The following ARHGEF12 variants were observed in gnomAD, a reference collection of about 807,000 sequenced individuals.
ARHGEF12 encodes Rho guanine nucleotide exchange factor 12.
ARHGEF12 carries 66 observed loss-of-function variants against 211.2 expected under a neutral mutation model. The observed-to-expected ratio is 0.31, with a 90% CI of 0.26 to 0.38. The LOEUF is 0.38. Ranked by LOEUF, ARHGEF12 falls within the 10% of genes least tolerant of loss-of-function variation. ARHGEF12 has a pLI of 1.00. For missense variants in ARHGEF12, 1,429 were observed against 1,869.5 expected (o/e 0.76, Z 4.34); for synonymous variants, 592 against 638.4 (o/e 0.93, Z 1.09).
At chr11:120,372,699 G>A (rs1943622116) in intron 1 of ARHGEF12, among the ~76,000 whole-genome samples, 1 of 152,034 alleles carries the variant, frequency 6.6e-6, no homozygotes, top group Admixed American at 6.6e-5. Flanking sequence ...AAAGCAGACA[G>A]GATTTATGAT....
rs896101664 is a variant in ARHGEF12, at chr11:120,336,818, C to T, written c.-426C>T. The T allele has an allele frequency of 3.0e-6, 1 of 333,540 alleles. No homozygotes were observed. Among genetic ancestry groups the T allele is most frequent in the Non-Finnish European group, 5.4e-6 (1 of 184,732 alleles). 20.7% of individuals were successfully genotyped at this position (333,540 alleles called of 1,614,324 possible). ...GATAGAGAGCCGGGAGGGAGGGCCCCGGCCCTTGCCGCGGCGGGGAGTTCG... is the reference window on the plus strand; with the variant it reads ...GATAGAGAGCCGGGAGGGAGGGCCCTGGCCCTTGCCGCGGCGGGGAGTTCG... On this transcript the variant is annotated 5_prime_UTR_variant, in exon 1 of 41. Coordinates refer to ENST00000397843, the MANE Select transcript of ARHGEF12 (RefSeq NM_015313.3).
At position 120,477,229 on chromosome 11, in the gene ARHGEF12, C is replaced by G. The variant is rs1055835938; in HGVS notation, c.3376C>G (p.Leu1126Val). ...TCCAACTTTCTGAAGCTGGCAGGAC[C>G]TAATCTGTCGGATGGCTGCATCAGT... ...TVSEKTVWQD[L>V]ICRMAASVKE... Residue 1126 changes from leucine (L) to valine (V), a missense_variant, in exon 35 of 41, where the codon CTA becomes GTA. Around this residue, in one of 7 missense-constraint regions of ARHGEF12, gnomAD observed 223 missense variants for 444.6 expected, o/e 0.50. Coordinates refer to ENST00000397843, the MANE Select transcript of ARHGEF12 (RefSeq NM_015313.3). 1 of 1,613,798 alleles carries G rather than the reference C, an allele frequency of 6.2e-7. No individual in the cohort carries two copies. The highest frequency in any genetic ancestry group is 2.2e-5 in the East Asian group (1 of 44,874).
At position 120,481,310 on chromosome 11, in the gene ARHGEF12, G is replaced by T. The variant is rs1317193397; in HGVS notation, c.4288G>T (p.Asp1430Tyr). 1 of 1,614,194 alleles carries T rather than the reference G, an allele frequency of 6.2e-7. No homozygotes were observed. Among genetic ancestry groups the T allele is most frequent in the South Asian group, 1.1e-5 (1 of 91,076 alleles). Residue 1430 changes from aspartate to tyrosine, a missense_variant, in exon 39 of 41, where the codon GAT becomes TAT. By Grantham distance (160) the Asp-to-Tyr change is radical (BLOSUM62 -3). Transcript: ENST00000397843. ...GYDPVQESST[D>Y]EEVASSLTLQ... Reference sequence around the variant, plus strand: ...TGACCCAGTGCAGGAGAGTTCCACAGATGAGGAGGTTGCTTCCTCACTTAC... The same window carrying T: ...TGACCCAGTGCAGGAGAGTTCCACATATGAGGAGGTTGCTTCCTCACTTAC...
At chr11:120,425,341 T>G (rs996173873) in intron 7 of ARHGEF12, among the ~76,000 whole-genome samples, 1 of 148,312 alleles carries the variant, frequency 6.7e-6, no homozygotes, top group African/African-American at 2.5e-5. Flanking sequence ...TTTTCTTGGT[T>G]TTTTTTTTTT....
chr11:120,480,478 T>A (rs1411742611), intron 38 of ARHGEF12, 48 bp downstream of exon 38: 1 of 1,535,952 alleles, frequency 6.5e-7, no homozygotes, highest in Admixed American at 1.8e-5. Context: ...TGATCATTGT[T>A]AACTGTCCTG....
At chr11:120,419,649 A>G (rs907597696) in intron 4 of ARHGEF12, among the ~76,000 whole-genome samples, 1 of 151,852 alleles carries the variant, frequency 6.6e-6, no homozygotes, top group Non-Finnish European at 1.5e-5. Flanking sequence ...ATAATTTGTT[A>G]TATGTATATG....
chr11:120,412,475 A>G (rs2135604194), intron 4 of ARHGEF12, among the ~76,000 whole-genome samples: 1 of 152,376 alleles, frequency 6.6e-6, no homozygotes, highest in Non-Finnish European at 1.5e-5. Flanking sequence ...GCTGGCTTGC[A>G]GATGGCTGCC....
chr11:120,392,149 A>C (rs1005625950), intron 1 of ARHGEF12, among the ~76,000 whole-genome samples: 1 of 152,198 alleles, frequency 6.6e-6, no homozygotes, highest in African/African-American at 2.4e-5. Context: ...TGCTTAAGCC[A>C]CAGCGGACTT....
intron 27 of ARHGEF12, 29 bp from the exon 28 acceptor site, chr11:120,465,208 C>T (rs757335421): frequency 2.3e-5 from 37 of 1,612,792 alleles, no homozygotes; most frequent in Non-Finnish European, 2.7e-5. Context: ...TTCCCATTCT[C>T]TTTTGTGTTC....
rs573392720 is a variant in ARHGEF12 at position 120,486,551 on chromosome 11, C to A, written c.*1474C>A. Reference sequence around the variant, plus strand: ...TTGACTTTCTTTGGTTTTCCTTGTGCATTAGGTATATATTTTTTGAAGTAT... The same window carrying A: ...TTGACTTTCTTTGGTTTTCCTTGTGAATTAGGTATATATTTTTTGAAGTAT... On this transcript the variant is annotated 3_prime_UTR_variant, in exon 41 of 41. Coordinates refer to ENST00000397843, the MANE Select transcript of ARHGEF12 (RefSeq NM_015313.3). 4.8e-5 allele frequency: 11 copies of A among 227,198 alleles called. No individual in the cohort carries two copies. Among genetic ancestry groups the A allele is most frequent in the Non-Finnish European group, 8.7e-5 (10 of 114,394 alleles). 14.1% of individuals were successfully genotyped at this position (227,198 alleles called of 1,614,324 possible).
In ARHGEF12 at chr11:120,488,883, T is replaced by C. The variant is rs571843887; in HGVS notation, c.*3806T>C. On this transcript the variant is annotated 3_prime_UTR_variant, in exon 41 of 41. Transcript: ENST00000397843. Reference sequence around the variant, plus strand: ...GACTTTATTGTTCTAATTATCCAGATGTACCTTTGTAAAATAGCTCTTTTA... The same window carrying C: ...GACTTTATTGTTCTAATTATCCAGACGTACCTTTGTAAAATAGCTCTTTTA... The C allele has an allele frequency of 1.7e-3, 368 of 215,078 alleles. No individual in the cohort carries two copies. Among genetic ancestry groups the C allele is most frequent in the South Asian group, 3.6e-3 (19 of 5,350 alleles). 13.3% of individuals were successfully genotyped at this position (215,078 alleles called of 1,614,324 possible). A position where few individuals can be genotyped will look rare whatever the true frequency, so the allele number is the denominator to read the frequency against.
intron 39 of ARHGEF12, among the ~76,000 whole-genome samples, chr11:120,483,759 C>T (rs1374366456): frequency 9.9e-5 from 15 of 152,140 alleles, no homozygotes; most frequent in African/African-American, 3.1e-4. Flanking sequence ...GGACTACAGG[C>T]GCCTGCCACC....
chr11:120,391,429 C>G (rs1193961786), intron 1 of ARHGEF12, among the ~76,000 whole-genome samples: 2 of 152,220 alleles, frequency 1.3e-5, no homozygotes, highest in African/African-American at 4.8e-5. Flanking sequence ...AATTAAATAG[C>G]TCTATCTAGC....
intron 3 of ARHGEF12, 141 bp downstream of exon 3, chr11:120,407,964 A>G: frequency 1.5e-6 from 1 of 649,680 alleles, no homozygotes; most frequent in Non-Finnish European, 2.5e-6. Flanking sequence ...ATCATAATAA[A>G]GCCTTTGCAT....
intron 37 of ARHGEF12, 29 bp from the exon 38 acceptor site, chr11:120,479,931 T>C (rs1352562349): frequency 1.0e-5 from 16 of 1,583,884 alleles, no homozygotes; most frequent in East Asian, 2.2e-5. Context: ...GAATATGTTT[T>C]TTTTCCCCCT....
At chr11:120,419,724 G>GT (rs1227497084) in intron 4 of ARHGEF12, among the ~76,000 whole-genome samples, 2 of 151,936 alleles carry the variant, frequency 1.3e-5, no homozygotes, top group Non-Finnish European at 2.9e-5. Context: ...TTAGCATATC[G>GT]TTTGGTTGGT....
At chr11:120,437,253 A>C (rs190697936) in intron 11 of ARHGEF12, 55 bp from the exon 12 acceptor site, 11 of 1,249,554 alleles carry the variant, frequency 8.8e-6, no homozygotes, top group Admixed American at 4.6e-5. Context: ...TTTTTCCCTC[A>C]TCTCCTTTTG....
Position 120,485,086 on chromosome 11 carries a change from G to A in ARHGEF12, c.*9G>A. 6.2e-7 allele frequency: 1 copy of A among 1,613,580 alleles called. No homozygotes were observed. On this transcript the variant is annotated 3_prime_UTR_variant, in exon 41 of 41. Transcript: ENST00000397843. ...TCTCAGATAAAAGTTAGAGCCGCATGTCCTGGAGGTGACTGCAGGTTGTTG... is the reference window on the plus strand; with the variant it reads ...TCTCAGATAAAAGTTAGAGCCGCATATCCTGGAGGTGACTGCAGGTTGTTG...
chr11:120,409,627 G>A (rs1371816949), intron 4 of ARHGEF12, 177 bp downstream of exon 4: 10 of 582,650 alleles, frequency 1.7e-5, no homozygotes, highest in Non-Finnish European at 2.9e-5. Context: ...ACGTGGCTGT[G>A]ATGTGGAAGC....
Sources: gnomAD v4.1 joint callset for allele counts (sites outside exome capture counted in the v4.1 genomes callset) on GRCh38, gnomAD v4.1.1 for gene constraint, gnomAD v4.1.1 regional missense constraint, MANE v1.5 for transcripts, NCBI Gene and HGNC (gene_info 2026-07-23, HGNC 2026-07-21) for gene names.